Variants in VPS8 observed in about 807,000 individuals in gnomAD.
VPS8 encodes VPS8 subunit of CORVET complex, also known as vacuolar protein sorting-associated protein 8 homolog.
VPS8 carries 129 observed loss-of-function variants against 216.4 expected under a neutral mutation model. That is an observed-to-expected ratio of 0.60 (90% confidence interval 0.52 to 0.69). VPS8 has a LOEUF of 0.69. Among genes scored for constraint, VPS8 ranks in the 30% least tolerant of loss-of-function variants. The probability of loss-of-function intolerance (pLI) is 0.00; values close to 1 mark genes in which losing one functional copy is unlikely to be tolerated. For missense variants in VPS8, 1,531 were observed against 1,683.5 expected (o/e 0.91, Z 1.59); for synonymous variants, 571 against 565.4 (o/e 1.01, Z -0.14).
intron 36 of VPS8, among the ~76,000 whole-genome samples, chr3:184,942,493 C>T (rs1043040628): frequency 1.3e-5 from 2 of 152,104 alleles, no homozygotes; most frequent in Admixed American, 6.6e-5. Flanking sequence ...GTGACATGAC[C>T]AGGAATGACC....
Position 184,839,534 on chromosome 3 carries a change from T to C in VPS8, c.481-164T>C, listed in dbSNP as rs1474864425. The C allele has an allele frequency of 2.4e-5, 15 of 619,310 alleles. No homozygotes were observed. In the Middle Eastern group the frequency reaches 1.5e-3, roughly 62 times the overall value. 38.4% of individuals were successfully genotyped at this position (619,310 alleles called of 1,614,324 possible). A position where few individuals can be genotyped will look rare whatever the true frequency, so the allele number is the denominator to read the frequency against. ...AGGGATTCTCAGAAATAAAATGTCC[T>C]GAGTTTCATTTCCCGTTTTGCCTCC... On this transcript the variant is annotated intron_variant, in intron 6 of 47. Coordinates refer to ENST00000625842, the MANE Select transcript of VPS8 (RefSeq NM_001009921.3).
chr3:184,932,942 A>C (rs1004925147), intron 34 of VPS8, among the ~76,000 whole-genome samples: 19 of 151,552 alleles, frequency 1.3e-4, no homozygotes, highest in African/African-American at 4.7e-4. Context: ...TCTTGAGCAT[A>C]GCCACATACA....
At chr3:184,911,739 C>T (rs1018532188) in intron 25 of VPS8, among the ~76,000 whole-genome samples, 12 of 152,162 alleles carry the variant, frequency 7.9e-5, no homozygotes, top group Non-Finnish European at 1.0e-4. Flanking sequence ...GAAAGCTGGA[C>T]GAGCTCCATC....
chr3:184,889,296 A>G (rs550283068), intron 22 of VPS8, among the ~76,000 whole-genome samples: 8 of 152,286 alleles, frequency 5.3e-5, no homozygotes, highest in African/African-American at 1.9e-4. Context: ...AGAAACAAAT[A>G]CAATATTTGT....
intron 39 of VPS8, among the ~76,000 whole-genome samples, chr3:184,968,983 G>T (rs1269248671): frequency 6.6e-6 from 1 of 152,156 alleles, no homozygotes; most frequent in African/African-American, 2.4e-5. Flanking sequence ...GTGAACATTT[G>T]ATTGACTTTG....
At chr3:185,045,498 C>T (rs890317596) in intron 46 of VPS8, among the ~76,000 whole-genome samples, 3 of 151,986 alleles carry the variant, frequency 2.0e-5, no homozygotes, top group African/African-American at 2.4e-5. Flanking sequence ...TGACCGGGCA[C>T]GGTGACTCAT....
intron 28 of VPS8, among the ~76,000 whole-genome samples, chr3:184,918,525 T>C (rs1253978731): frequency 1.3e-5 from 2 of 152,206 alleles, no homozygotes. Context: ...ACCACCAAAA[T>C]AGTCATTAAG....
intron 21 of VPS8, among the ~76,000 whole-genome samples, chr3:184,873,997 G>A (rs1417185645): frequency 1.3e-5 from 2 of 151,988 alleles, no homozygotes; most frequent in East Asian, 1.9e-4. Flanking sequence ...TGCATGCACC[G>A]TCAGCCACAA....
At chr3:184,969,242 C>G (rs1326407393) in intron 39 of VPS8, among the ~76,000 whole-genome samples, 1 of 149,824 alleles carries the variant, frequency 6.7e-6, no homozygotes, top group Non-Finnish European at 1.5e-5. Flanking sequence ...CTCAGCCTCC[C>G]GAGTAGCTGG....
chr3:184,921,554 A>C (rs1266359604), intron 29 of VPS8, among the ~76,000 whole-genome samples: 3 of 151,958 alleles, frequency 2.0e-5, no homozygotes, highest in Non-Finnish European at 4.4e-5. Flanking sequence ...TTAGCTAAAC[A>C]TGAGGAGTTC....
At chr3:185,011,905 AT>A (rs1158635055) in intron 45 of VPS8, among the ~76,000 whole-genome samples, 4 of 152,230 alleles carry the variant, frequency 2.6e-5, no homozygotes, top group Non-Finnish European at 5.9e-5. Flanking sequence ...ATGTTAAAGT[AT>A]TTCGTGGAAA....
chr3:184,928,587 T>C, intron 32 of VPS8, 54 bp downstream of exon 32: 2 of 1,276,834 alleles, frequency 1.6e-6, no homozygotes, highest in Non-Finnish European at 2.1e-6. Flanking sequence ...TAAATTATAT[T>C]TCTTTAACTT....
chr3:184,944,405 T>C, intron 36 of VPS8: 1 of 586,604 alleles, frequency 1.7e-6, no homozygotes, highest in Non-Finnish European at 2.1e-6. Flanking sequence ...AGCTGCTACG[T>C]AAAGCCCGAC....
intron 10 of VPS8, among the ~76,000 whole-genome samples, chr3:184,850,608 A>G (rs1333363069): frequency 6.6e-6 from 1 of 152,224 alleles, no homozygotes; most frequent in Non-Finnish European, 1.5e-5. Context: ...AAACTGACTT[A>G]GGTAACAGAT....
chr3:184,853,739 T>G, intron 11 of VPS8, 118 bp from the exon 12 acceptor site: 1 of 991,452 alleles, frequency 1.0e-6, no homozygotes, highest in Non-Finnish European at 1.5e-6. Flanking sequence ...CTGTGGAGCT[T>G]GGATTGTTGG....
chr3:185,002,691 G>A (rs1753579501), intron 45 of VPS8, among the ~76,000 whole-genome samples: 1 of 152,122 alleles, frequency 6.6e-6, no homozygotes, highest in African/African-American at 2.4e-5. Context: ...TGATAAATGA[G>A]AACATAAGAT....
chr3:184,924,874 A>G lies in VPS8; in HGVS notation c.2467A>G (p.Asn823Asp). 2 of 1,612,726 alleles carry G rather than the reference A, an allele frequency of 1.2e-6. No homozygotes were observed. The highest frequency in any genetic ancestry group is 1.7e-6 in the Non-Finnish European group (2 of 1,179,604). The part of the protein sequence containing the change: ...VDILLKVMVE[N>D]SDFTPSQVGC... ...CTTTGCTCTTCAGGTTATGGTGGAG[A>G]ATTCAGACTTTACCCCCTCACAAGT... The change falls in exon 30 of 48, where the codon AAT (asparagine) becomes GAT (aspartate). Residue 823 changes from asparagine (N) to aspartate (D), a missense_variant. Asn to Asp is a conservative substitution (Grantham distance 23). Around this residue, in one of 3 missense-constraint regions of VPS8, gnomAD observed 1,318 missense variants for 1,468.4 expected, o/e 0.90. Coordinates refer to ENST00000625842, the MANE Select transcript of VPS8 (RefSeq NM_001009921.3).
At chr3:184,995,337 ATGTTGTAAGAATT>A (rs1221057854) in intron 43 of VPS8, among the ~76,000 whole-genome samples, 1 of 152,158 alleles carries the variant, frequency 6.6e-6, no homozygotes, top group African/African-American at 2.4e-5. Flanking sequence ...TTTTCTTAGA[ATGTTGTAAGAATT>A]GCAGTTTGGT....
chr3:184,915,387 A>G lies in VPS8; in HGVS notation c.2295A>G (p.Ala765=). The G allele has an allele frequency of 6.2e-7, 1 of 1,613,938 alleles. No homozygotes were observed. Among genetic ancestry groups the G allele is most frequent in the Non-Finnish European group, 8.5e-7 (1 of 1,179,858 alleles). ...VFEFLIRLHS[A]EASPEEEIYP... is the part of the protein sequence containing the mutation. ...AATTTCTAATTCGCCTGCATTCAGC[A>G]GAGGCTTCTCCTGAGGAAGAAATCT... Residue 765 remains alanine (A), a synonymous_variant, in exon 28 of 48, where the codon GCA becomes GCG. Transcript: ENST00000625842.
Sources: gnomAD v4.1 joint callset for allele counts (sites outside exome capture counted in the v4.1 genomes callset) on GRCh38, gnomAD v4.1.1 for gene constraint, gnomAD v4.1.1 regional missense constraint, MANE v1.5 for transcripts, NCBI Gene and HGNC (gene_info 2026-07-23, HGNC 2026-07-21) for gene names.